The following NALF1 variants were observed in gnomAD, a reference collection of about 807,000 sequenced individuals.
NALF1 encodes family with sequence similarity 155 member A.
Under a neutral mutation model 48.4 loss-of-function variants are expected in NALF1, and 3 were observed. That is an observed-to-expected ratio of 0.06 (90% CI 0.03 to 0.16). NALF1 has a LOEUF of 0.16. Among genes scored for constraint, NALF1 ranks in the 10% least tolerant of loss-of-function variants. NALF1 has a pLI of 1.00. For synonymous variants in NALF1, 262 were observed against 245.7 expected (o/e 1.07, Z -0.62); for missense variants, 526 against 571.5 (o/e 0.92, Z 0.81).
At chr13:107,329,147 A>G (rs945461509) in intron 1 of NALF1, among the ~76,000 whole-genome samples, 9 of 152,202 alleles carry the variant, frequency 5.9e-5, no homozygotes, top group Non-Finnish European at 1.3e-4. Context: ...TGTACCATAA[A>G]TATAAAATAA....
chr13:107,375,436 T>C lies in NALF1; in HGVS notation c.916-164681A>G, dbSNP rs559369246. Among the ~76,000 whole-genome samples the C allele has an allele frequency of 5.3e-5, 8 of 152,294 alleles. No homozygotes were observed. The South Asian group carries it at 1.2e-3, about 24-fold the overall frequency. Reference sequence around the variant, plus strand: ...CTACAGAAATATTTTTTATAAAAAATGTATATTAAACAAGCAAAGTCATTC... The same window carrying C: ...CTACAGAAATATTTTTTATAAAAAACGTATATTAAACAAGCAAAGTCATTC... On this transcript the variant is annotated intron_variant, in intron 1 of 2. Transcript: ENST00000375915.
chr13:107,264,691 A>G (rs1881005525), intron 1 of NALF1, among the ~76,000 whole-genome samples: 2 of 152,270 alleles, frequency 1.3e-5, no homozygotes, highest in South Asian at 4.1e-4. Flanking sequence ...TTTCCTGTGC[A>G]TTTGTGTTTA....
intron 1 of NALF1, among the ~76,000 whole-genome samples, chr13:107,223,946 ACATAC>A (rs1880046285): frequency 6.6e-6 from 1 of 152,222 alleles, no homozygotes; most frequent in Non-Finnish European, 1.5e-5. Flanking sequence ...CCTGAGCTAA[ACATAC>A]CATCAGAAAT....
At chr13:107,331,696 A>G (rs543001882) in intron 1 of NALF1, among the ~76,000 whole-genome samples, 1 of 152,312 alleles carries the variant, frequency 6.6e-6, no homozygotes, top group Admixed American at 6.5e-5. Context: ...TAGGATTTAG[A>G]TAATTGTTCA....
At chr13:107,326,399 A>T (rs1348328005) in intron 1 of NALF1, among the ~76,000 whole-genome samples, 1 of 152,154 alleles carries the variant, frequency 6.6e-6, no homozygotes, top group East Asian at 1.9e-4. Flanking sequence ...CATGTAAATT[A>T]CCAACTTTAT....
chr13:107,204,906 G>A (rs1158387118), intron 2 of NALF1, among the ~76,000 whole-genome samples: 2 of 150,422 alleles, frequency 1.3e-5, no homozygotes, highest in African/African-American at 2.4e-5. Flanking sequence ...ATACGCAGGG[G>A]AAAATAAATA....
At chr13:107,800,651 T>A (rs977157617) in intron 1 of NALF1, among the ~76,000 whole-genome samples, 1 of 139,418 alleles carries the variant, frequency 7.2e-6, no homozygotes, top group African/African-American at 3.0e-5. Flanking sequence ...ATAAGATATA[T>A]AATATATAAT....
At chr13:107,856,713 C>G (rs1292018301) in intron 1 of NALF1, among the ~76,000 whole-genome samples, 4 of 152,088 alleles carry the variant, frequency 2.6e-5, no homozygotes, top group African/African-American at 4.8e-5. Context: ...TACCATCTCA[C>G]CATGCAAAGT....
At chr13:107,195,654 C>A (rs565355167) in intron 2 of NALF1, among the ~76,000 whole-genome samples, 37 of 152,262 alleles carry the variant, frequency 2.4e-4, no homozygotes, top group African/African-American at 8.7e-4. Context: ...GTTTATGAAC[C>A]AACTGAGTTT....
At chr13:107,352,561 T>C (rs1352861506) in intron 1 of NALF1, among the ~76,000 whole-genome samples, 1 of 152,114 alleles carries the variant, frequency 6.6e-6, no homozygotes, top group Non-Finnish European at 1.5e-5. Flanking sequence ...CTTCTCCTTG[T>C]GCTCTCACAA....
intron 1 of NALF1, among the ~76,000 whole-genome samples, chr13:107,767,017 A>C (rs950141717): frequency 6.6e-6 from 1 of 152,224 alleles, no homozygotes; most frequent in Admixed American, 6.5e-5. Flanking sequence ...GAGGAAAAAC[A>C]ACCAAACGGG....
intron 1 of NALF1, among the ~76,000 whole-genome samples, chr13:107,841,427 G>A (rs1054139259): frequency 2.6e-5 from 4 of 152,062 alleles, no homozygotes; most frequent in Non-Finnish European, 5.9e-5. Context: ...TGCTCTTCAA[G>A]GGTATTTTGC....
intron 1 of NALF1, among the ~76,000 whole-genome samples, chr13:107,278,308 G>C (rs1481260893): frequency 6.6e-6 from 1 of 152,118 alleles, no homozygotes; most frequent in Non-Finnish European, 1.5e-5. Flanking sequence ...TTTATCGTCT[G>C]CCAAATTAGA....
chr13:107,752,828 C>A (rs1210807077), intron 1 of NALF1, among the ~76,000 whole-genome samples: 2 of 152,120 alleles, frequency 1.3e-5, no homozygotes, highest in African/African-American at 4.8e-5. Flanking sequence ...AAGGCCAGGA[C>A]ATACGTAAAC....
chr13:107,194,008 T>TTATC (rs71772534), intron 2 of NALF1, among the ~76,000 whole-genome samples: 3,058 of 138,960 alleles, frequency 0.022, 37 homozygotes, highest in East Asian at 0.033. Context: ...CCTATCTATC[T>TTATC]TATCTATCTA....
At chr13:107,504,647 A>G (rs924054317) in intron 1 of NALF1, among the ~76,000 whole-genome samples, 1 of 152,036 alleles carries the variant, frequency 6.6e-6, no homozygotes, top group Non-Finnish European at 1.5e-5. Context: ...CCTAAATATG[A>G]CCTCAACTTT....
chr13:107,654,903 GATC>G (rs1186445857), intron 1 of NALF1, among the ~76,000 whole-genome samples: 1 of 152,040 alleles, frequency 6.6e-6, no homozygotes, highest in Non-Finnish European at 1.5e-5. Context: ...AAAATCACAT[GATC>G]ATCTCAACAG....
intron 1 of NALF1, among the ~76,000 whole-genome samples, chr13:107,672,800 T>A (rs1162069483): frequency 1.3e-5 from 2 of 152,038 alleles, no homozygotes; most frequent in Non-Finnish European, 2.9e-5. Flanking sequence ...AGGTAAAAAA[T>A]TTTCCAAGGT....
chr13:107,306,389 T>A (rs1881936811), intron 1 of NALF1, among the ~76,000 whole-genome samples: 2 of 152,162 alleles, frequency 1.3e-5, no homozygotes, highest in Admixed American at 1.3e-4. Context: ...CCACTGTAAT[T>A]TTTATGTCTG....
Sources: gnomAD v4.1 joint callset for allele counts (sites outside exome capture counted in the v4.1 genomes callset) on GRCh38, gnomAD v4.1.1 for gene constraint, MANE v1.5 for transcripts, NCBI Gene and HGNC (gene_info 2026-07-23, HGNC 2026-07-21) for gene names.